The following RELCH variants were observed in gnomAD, a reference collection of about 807,000 sequenced individuals.
The protein encoded by RELCH is RAB11 binding and LisH domain, coiled-coil and HEAT repeat containing.
A neutral mutation model predicts 150.3 loss-of-function variants in RELCH; 41 were observed. The ratio of observed to expected loss-of-function variants is 0.27; its 90% CI spans 0.21 to 0.35. The LOEUF is 0.35. Ranked by LOEUF, RELCH falls within the 10% of genes least tolerant of loss-of-function variation. The pLI is 1.00. For synonymous variants in RELCH, 478 were observed against 531.8 expected, an observed-to-expected ratio of 0.90 and a Z score of 1.39; for missense variants, 1,092 against 1,467.8, an observed-to-expected ratio of 0.74 and a Z score of 4.18.
rs1316309325 is a variant in RELCH at position 62,231,131 on chromosome 18, T to C, written c.1449-63T>C. 5.4e-6 allele frequency: 6 copies of C among 1,113,920 alleles called. No individual in the cohort carries two copies. In the South Asian group the frequency reaches 6.5e-5, roughly 12 times the overall value. The allele number at this position is 1,113,920 out of a possible 1,614,324, so 69.0% of individuals were successfully genotyped here. On this transcript the variant is annotated intron_variant, in intron 8 of 28. Coordinates refer to ENST00000644646, the MANE Select transcript of RELCH (RefSeq NM_001346231.2). ...TGGAAGTTATAATACATAACTTAAATTTCTCCTTAAATGTCAATGGTAATT... is the reference window on the plus strand; with the variant it reads ...TGGAAGTTATAATACATAACTTAAACTTCTCCTTAAATGTCAATGGTAATT...
intron 12 of RELCH, 75 bp from the exon 13 acceptor site, chr18:62,255,332 G>A: frequency 2.0e-6 from 2 of 993,554 alleles, no homozygotes; most frequent in Non-Finnish European, 3.2e-6. Context: ...AGGATTTGTG[G>A]TGAAATGTAA....
In RELCH at chr18:62,305,927, A is replaced by G. The variant is rs1184432105; in HGVS notation, c.*393A>G. 1.3e-5 allele frequency: 2 copies of G among 152,758 alleles called. No homozygotes were observed. The highest frequency in any genetic ancestry group is 2.9e-5 in the Non-Finnish European group (2 of 68,140). The allele number at this position is 152,758 out of a possible 1,614,324, so 9.5% of individuals were successfully genotyped here. On this transcript the variant is annotated 3_prime_UTR_variant, in exon 29 of 29. Coordinates refer to ENST00000644646, the MANE Select transcript of RELCH (RefSeq NM_001346231.2). The surrounding 1 kb of genome is among the most constrained non-coding windows in gnomAD (Gnocchi z 4.0). Reference sequence around the variant, plus strand: ...GTAAATTTGAAGTCATTGTTATAAAATAATAAAGTGGAGATTACTTAAGTA... The same window carrying G: ...GTAAATTTGAAGTCATTGTTATAAAGTAATAAAGTGGAGATTACTTAAGTA...
intron 20 of RELCH, among the ~76,000 whole-genome samples, chr18:62,273,188 A>G (rs2044003311): frequency 1.3e-5 from 2 of 152,000 alleles, no homozygotes; most frequent in Non-Finnish European, 2.9e-5. Context: ...CCCTTCCCAT[A>G]TACATTTAGG....
chr18:62,237,602 C>CTTTTTTTTTTT (rs1399095866), intron 10 of RELCH, among the ~76,000 whole-genome samples: 1 of 151,698 alleles, frequency 6.6e-6, no homozygotes, highest in East Asian at 1.9e-4. Flanking sequence ...ACTTTGACTA[C>CTTTTTTTTTTT]ACCTTCAGTA....
At position 62,232,488 on chromosome 18, in the gene RELCH, T is replaced by C. The variant is rs2041643678; in HGVS notation, c.1620+61T>C. ...CCATCATGTTGTCCATTTTTTGTCA[T>C]TTTGAAGTTGAGTGTTATATTTTTA... On this transcript the variant is annotated intron_variant, in intron 10 of 28. Transcript: ENST00000644646. 1.6e-5 allele frequency: 16 copies of C among 1,019,086 alleles called. No homozygotes were observed. In the East Asian group the frequency reaches 2.9e-4, roughly 18 times the overall value. 63.1% of individuals were successfully genotyped at this position (1,019,086 alleles called of 1,614,324 possible). A position where few individuals can be genotyped will look rare whatever the true frequency, so the allele number is the denominator to read the frequency against.
At chr18:62,233,103 C>A (rs569618374) in intron 10 of RELCH, among the ~76,000 whole-genome samples, 60 of 151,590 alleles carry the variant, frequency 4.0e-4, no homozygotes, top group African/African-American at 1.4e-3. Flanking sequence ...AGGAAGTTAT[C>A]TTTATTGTTG....
At chr18:62,273,144 A>C (rs2044000811) in intron 20 of RELCH, among the ~76,000 whole-genome samples, 1 of 151,502 alleles carries the variant, frequency 6.6e-6, no homozygotes, top group African/African-American at 2.4e-5. Flanking sequence ...ACTTGACTTT[A>C]TTATGTATTT....
chr18:62,237,610 G>C (rs533232199), intron 10 of RELCH, among the ~76,000 whole-genome samples: 1 of 151,488 alleles, frequency 6.6e-6, no homozygotes, highest in Non-Finnish European at 1.5e-5. Flanking sequence ...TACACCTTCA[G>C]TAAAAAAGAT....
chr18:62,270,703 G>A (rs1005450815), intron 20 of RELCH, among the ~76,000 whole-genome samples: 2 of 151,714 alleles, frequency 1.3e-5, no homozygotes, highest in African/African-American at 2.4e-5. Flanking sequence ...GTTCAAGTTC[G>A]TTACATCGGT....
In RELCH at chr18:62,255,431, C is replaced by T. The variant is rs1219251716; in HGVS notation, c.1849C>T (p.Arg617Ter). The T allele has an allele frequency of 6.2e-6, 10 of 1,610,022 alleles. No homozygotes were observed. The highest frequency in any genetic ancestry group is 4.5e-5 in the East Asian group (2 of 44,778). Residue 617 changes from arginine (R) to a stop codon, truncating the protein, a stop_gained, in exon 13 of 29, where the codon CGA (arginine) becomes TGA (stop). Transcript: ENST00000644646. LOFTEE classifies it high-confidence loss of function. Reference sequence around the variant, plus strand: ...GATTAATCACAAATACCCAGAAAGACGACTGCTTGTGGCAGAATCCTGTGG... The same window carrying T: ...GATTAATCACAAATACCCAGAAAGATGACTGCTTGTGGCAGAATCCTGTGG... The part of the protein sequence containing the change: ...EQINHKYPER[R>*]LLVAESCGAL...
rs2045882287 is a variant in RELCH, at chr18:62,306,456, T to G, written c.*922T>G. ...TAAGATATTTTCTAATGATTTTAATTTTAGAGAGTACCTTTTCATTCTGTG... is the reference window on the plus strand; with the variant it reads ...TAAGATATTTTCTAATGATTTTAATGTTAGAGAGTACCTTTTCATTCTGTG... On this transcript the variant is annotated 3_prime_UTR_variant, in exon 29 of 29. Coordinates refer to ENST00000644646, the MANE Select transcript of RELCH (RefSeq NM_001346231.2). 1 of 152,234 alleles carries G rather than the reference T, an allele frequency of 6.6e-6. No homozygotes were observed. The highest frequency in any genetic ancestry group is 1.5e-5 in the Non-Finnish European group (1 of 68,022). The allele number at this position is 152,234 out of a possible 1,614,324, so 9.4% of individuals were successfully genotyped here.
chr18:62,298,704 G>C (rs1010568893), intron 27 of RELCH, 86 bp from the exon 28 acceptor site: 2 of 681,072 alleles, frequency 2.9e-6, no homozygotes, highest in Admixed American at 6.1e-5. Flanking sequence ...TTAGCTTATA[G>C]GAATATTAAA....
Position 62,228,346 on chromosome 18 carries a change from C to A in RELCH, c.1196C>A (p.Ala399Glu), listed in dbSNP as rs1224537376. Residue 399 changes from alanine (A) to glutamate (E), a missense_variant, in exon 8 of 29, where the codon GCA (alanine) becomes GAA (glutamate). Physicochemically the swap from Ala to Glu is moderately radical, Grantham distance 107 (BLOSUM62 -1). Coordinates refer to ENST00000644646, the MANE Select transcript of RELCH (RefSeq NM_001346231.2). ...AAAAATGAACACTTTGCCATCCCAGCAGTTTGTGACTCTGTTCAGCCTCCT... is the reference window on the plus strand; with the variant it reads ...AAAAATGAACACTTTGCCATCCCAGAAGTTTGTGACTCTGTTCAGCCTCCT... ...FLKNEHFAIP[A>E]VCDSVQPPLD... 1.2e-6 allele frequency: 2 copies of A among 1,612,764 alleles called. No homozygotes were observed. Among genetic ancestry groups the A allele is most frequent in the Non-Finnish European group, 1.7e-6 (2 of 1,179,382 alleles).
chr18:62,288,664 T>G (rs576865503), intron 26 of RELCH, among the ~76,000 whole-genome samples: 24 of 152,260 alleles, frequency 1.6e-4, no homozygotes, highest in African/African-American at 5.5e-4. Context: ...GCACCATATT[T>G]TAATAATTTA....
At chr18:62,274,321 A>G (rs2044074437) in intron 21 of RELCH, among the ~76,000 whole-genome samples, 1 of 152,182 alleles carries the variant, frequency 6.6e-6, no homozygotes. Context: ...GGGTGCAGAC[A>G]TATGTTTTCT....
In RELCH at chr18:62,309,311, A is replaced by T. The variant is rs1002329988; in HGVS notation, c.*3777A>T. On this transcript the variant is annotated 3_prime_UTR_variant, in exon 29 of 29. Transcript: ENST00000644646. ...AGGTAAGTTTCTGCATATTGGTAAA[A>T]AAATTGAATTTTAGACAATTTTCAT... 6.6e-6 allele frequency: 1 copy of T among 152,192 alleles called. No individual in the cohort carries two copies. The highest frequency in any genetic ancestry group is 1.5e-5 in the Non-Finnish European group (1 of 68,030). 9.4% of individuals were successfully genotyped at this position (152,192 alleles called of 1,614,324 possible).
chr18:62,203,460 A>G (rs1050346079), intron 1 of RELCH, among the ~76,000 whole-genome samples: 11 of 152,224 alleles, frequency 7.2e-5, no homozygotes, highest in Admixed American at 6.5e-4. Context: ...TGTCTCAAAA[A>G]AAAAGAATGT....
chr18:62,282,467 T>C (rs2044566630), intron 25 of RELCH, 23 bp downstream of exon 25: 2 of 1,607,856 alleles, frequency 1.2e-6, no homozygotes, highest in Admixed American at 1.7e-5. Context: ...TTTCTACCTT[T>C]TTCCTGAATT....
At position 62,244,662 on chromosome 18, in the gene RELCH, G is replaced by A. The variant is rs548934600; in HGVS notation, c.1621-102G>A. 5.5e-5 allele frequency: 41 copies of A among 742,930 alleles called. No individual in the cohort carries two copies. The African/African-American group carries it at 7.0e-4, about 13-fold the overall frequency. 46.0% of individuals were successfully genotyped at this position (742,930 alleles called of 1,614,324 possible). ...AAAATTTACCCTTTTGTTTACTGAG[G>A]TTTATTTCACTTTAAATGTCCATTT... On this transcript the variant is annotated intron_variant, in intron 10 of 28. Coordinates refer to ENST00000644646, the MANE Select transcript of RELCH (RefSeq NM_001346231.2).
Sources: gnomAD v4.1 joint callset for allele counts (sites outside exome capture counted in the v4.1 genomes callset) on GRCh38, gnomAD v4.1.1 for gene constraint, Gnocchi (gnomAD v3.1) non-coding constraint, MANE v1.5 for transcripts, NCBI Gene and HGNC (gene_info 2026-07-23, HGNC 2026-07-21) for gene names.